Variants in ZNF385D observed in about 807,000 individuals in gnomAD.
ZNF385D encodes zinc finger protein 659.
Under a neutral mutation model 35.8 loss-of-function variants are expected in ZNF385D, and 15 were observed. The ratio of observed to expected loss-of-function variants is 0.42; its 90% CI spans 0.28 to 0.64. The LOEUF (loss-of-function observed/expected upper bound fraction) is 0.64. Ranked by LOEUF, ZNF385D falls within the 30% of genes least tolerant of loss-of-function variation. The probability of loss-of-function intolerance (pLI) is 0.23; values close to 1 mark genes in which losing one functional copy is unlikely to be tolerated. For missense variants in ZNF385D, 474 were observed against 494.6 expected (o/e 0.96, Z 0.39); for synonymous variants, 212 against 186.8 (o/e 1.13, Z -1.10).
chr3:22,104,010 T>A (rs1702076296), intron 3 of ZNF385D, among the ~76,000 whole-genome samples: 1 of 152,114 alleles, frequency 6.6e-6, no homozygotes, highest in African/African-American at 2.4e-5. Context: ...ACATGTACAA[T>A]ATACAATATA....
intron 3 of ZNF385D, among the ~76,000 whole-genome samples, chr3:21,838,033 C>A (rs1695435975): frequency 6.6e-6 from 1 of 152,062 alleles, no homozygotes; most frequent in Admixed American, 6.6e-5. Flanking sequence ...TACATTATCC[C>A]TTTTATTTCA....
chr3:22,229,599 C>T (rs1038250635), intron 2 of ZNF385D, among the ~76,000 whole-genome samples: 1 of 152,118 alleles, frequency 6.6e-6, no homozygotes, highest in South Asian at 2.1e-4. Flanking sequence ...AAGTTATTTC[C>T]TCACAGCCAT....
intron 4 of ZNF385D, among the ~76,000 whole-genome samples, chr3:21,455,595 G>T (rs1207275434): frequency 2.0e-5 from 3 of 152,164 alleles, no homozygotes; most frequent in African/African-American, 7.2e-5. Flanking sequence ...TCAAGATGGA[G>T]TAAAGACTTA....
rs67993193 is a variant in ZNF385D at position 21,853,507 on chromosome 3, C to T, written c.326-188479G>A. 5.9e-3 allele frequency among the ~76,000 whole-genome samples: 266 copies of T among 45,246 alleles called. 5 individuals are homozygous for T. Among genetic ancestry groups the T allele is most frequent in the South Asian group, 0.011 (12 of 1,072 alleles). 29.7% of individuals were successfully genotyped at this position (45,246 alleles called of 152,430 possible). ...AGTTTAATTGTTTAAAATTGCAGTC[C>T]TTTTTTTTTTTTTTTTAGTTCAAGA... is the stretch of plus-strand genomic sequence containing the variant. On this transcript the variant is annotated intron_variant, in intron 3 of 5. Transcript: ENST00000494108.
At chr3:22,317,935 C>T (rs1235760121) in intron 2 of ZNF385D, among the ~76,000 whole-genome samples, 1 of 151,970 alleles carries the variant, frequency 6.6e-6, no homozygotes, top group Admixed American at 6.6e-5. Flanking sequence ...GTGGCATGCA[C>T]CTGTAATCCA....
intron 2 of ZNF385D, among the ~76,000 whole-genome samples, chr3:22,267,980 A>T (rs758375937): frequency 6.6e-6 from 1 of 151,978 alleles, no homozygotes; most frequent in Non-Finnish European, 1.5e-5. Context: ...AAGTCATAGC[A>T]TTCTAATAAC....
chr3:21,970,508 G>T (rs1022825999), intron 3 of ZNF385D, among the ~76,000 whole-genome samples: 20 of 150,442 alleles, frequency 1.3e-4, no homozygotes, highest in African/African-American at 4.6e-4. Flanking sequence ...ACAGTAAAAA[G>T]ACACAAAAGA....
chr3:21,685,869 A>G (rs1038636517), intron 1 of ZNF385D, among the ~76,000 whole-genome samples: 2 of 152,216 alleles, frequency 1.3e-5, no homozygotes, highest in African/African-American at 2.4e-5. Context: ...TAAGCCACGC[A>G]TGAAAGCAAG....
At position 21,444,149 on chromosome 3, in the gene ZNF385D, G is replaced by A. The variant is rs187873998; in HGVS notation, c.440-6946C>T. On this transcript the variant is annotated intron_variant, in intron 4 of 7. Transcript: ENST00000281523. ...GGCTGGAGTACAGTTGCACAATCTCGGCCCACTGCAACCTCTGCCTCCCAG... is the reference window on the plus strand; with the variant it reads ...GGCTGGAGTACAGTTGCACAATCTCAGCCCACTGCAACCTCTGCCTCCCAG... Among the ~76,000 whole-genome samples the A allele has an allele frequency of 2.2e-3, 322 of 143,530 alleles. 4 individuals are homozygous for A. Among genetic ancestry groups the A allele is most frequent in the Non-Finnish European group, 1.7e-3 (113 of 67,242 alleles). The allele number at this position is 143,530 out of a possible 152,430, so 94.2% of individuals were successfully genotyped here.
chr3:21,756,134 G>T (rs2070329245), upstream of ZNF385D, among the ~76,000 whole-genome samples: 1 of 152,152 alleles, frequency 6.6e-6, no homozygotes, highest in Admixed American at 6.5e-5. Context: ...AGCGAGCAAG[G>T]ACAGATGTAA....
chr3:22,189,442 A>ATATT (rs1695870341), intron 2 of ZNF385D, among the ~76,000 whole-genome samples: 1 of 152,318 alleles, frequency 6.6e-6, no homozygotes, highest in Admixed American at 6.5e-5. Flanking sequence ...CTTATATAAA[A>ATATT]TATTAATTTC....
chr3:21,931,091 A>G (rs259482), intron 3 of ZNF385D, among the ~76,000 whole-genome samples: 28,384 of 152,136 alleles, frequency 0.19, 3,415 homozygotes, highest in East Asian at 0.39. Flanking sequence ...ATATATAAAG[A>G]AATTTTTCAA....
rs1286674931 is a variant in ZNF385D at position 21,739,651 on chromosome 3, TCCAGCTTGC to T, written c.22+11235_22+11243del. Among the ~76,000 whole-genome samples, 2 of 152,154 alleles carry T rather than the reference TCCAGCTTGC, an allele frequency of 1.3e-5. 1 individual carries two copies. Among genetic ancestry groups the T allele is most frequent in the Admixed American group, 1.3e-4 (2 of 15,270 alleles). On this transcript the variant is annotated intron_variant, in intron 1 of 7. Coordinates refer to ENST00000281523, the MANE Select transcript of ZNF385D (RefSeq NM_024697.3). Reference sequence around the variant, plus strand: ...AGTGTACAATGAAGAATGACTTCATTCCAGCTTGCCCATCATAACAAGGGCAGGAGATGA... The same window carrying T: ...AGTGTACAATGAAGAATGACTTCATTCCATCATAACAAGGGCAGGAGATGA...
chr3:22,166,143 C>T (rs1706311694), intron 3 of ZNF385D, among the ~76,000 whole-genome samples: 1 of 152,074 alleles, frequency 6.6e-6, no homozygotes, highest in South Asian at 2.1e-4. Context: ...CCTAAGATGA[C>T]CAAGTATTCC....
chr3:21,790,098 T>G (rs2071865818), intron 3 of ZNF385D, among the ~76,000 whole-genome samples: 1 of 152,044 alleles, frequency 6.6e-6, no homozygotes, highest in South Asian at 2.1e-4. Context: ...CACACATAAC[T>G]ATCTATGCTC....
At chr3:22,370,274 G>A (rs1308905270) in intron 2 of ZNF385D, among the ~76,000 whole-genome samples, 1 of 152,074 alleles carries the variant, frequency 6.6e-6, no homozygotes, top group African/African-American at 2.4e-5. Context: ...TATGATGTTA[G>A]CACCAGACAT....
At chr3:21,773,444 C>T (rs1042131435) in intron 3 of ZNF385D, among the ~76,000 whole-genome samples, 3 of 151,892 alleles carry the variant, frequency 2.0e-5, no homozygotes, top group African/African-American at 7.2e-5. Flanking sequence ...TAAAGAGCTT[C>T]TGCACGGCAA....
intron 3 of ZNF385D, among the ~76,000 whole-genome samples, chr3:21,995,724 C>G (rs894976113): frequency 5.3e-5 from 8 of 151,822 alleles, no homozygotes; most frequent in Non-Finnish European, 7.4e-5. Flanking sequence ...CCTCAGCCCC[C>G]AGAATGGTGC....
At chr3:22,030,533 A>C (rs1233149296) in intron 3 of ZNF385D, among the ~76,000 whole-genome samples, 1 of 151,476 alleles carries the variant, frequency 6.6e-6, no homozygotes, top group East Asian at 2.0e-4. Flanking sequence ...CATTTTAAAA[A>C]ACATCAGATC....
Sources: allele counts gnomAD v4.1 joint callset (sites outside exome capture counted in the v4.1 genomes callset), GRCh38; gene constraint gnomAD v4.1.1; transcripts MANE v1.5; gene names NCBI Gene and HGNC (gene_info 2026-07-23, HGNC 2026-07-21).